AMN1: variants seen among roughly 807,000 people sequenced by gnomAD.
AMN1 encodes antagonist of mitotic exit network 1 homolog, also known as protein AMN1 homolog.
A neutral mutation model predicts 33.0 loss-of-function variants in AMN1; 20 were observed. That is an observed-to-expected ratio of 0.61 (90% CI 0.43 to 0.88). AMN1 has a LOEUF of 0.88. AMN1 is among the 40% of genes least tolerant of loss of function. AMN1 has a pLI of 0.00. For synonymous variants in AMN1, 114 were observed against 111.9 expected, an observed-to-expected ratio of 1.02 and a Z score of -0.12; for missense variants, 246 against 307.4, an observed-to-expected ratio of 0.80 and a Z score of 1.49.
rs567504750 is a variant in AMN1 at position 31,706,626 on chromosome 12, C to T, written c.171+2667G>A. Reference sequence around the variant, plus strand: ...ATTATCTACTCTGCTATTTAATAACCTTTAAAATCAGAGGCTGAAGGTTAA... The same window carrying T: ...ATTATCTACTCTGCTATTTAATAACTTTTAAAATCAGAGGCTGAAGGTTAA... On this transcript the variant is annotated intron_variant, in intron 2 of 6. Coordinates refer to ENST00000281471, the MANE Select transcript of AMN1 (RefSeq NM_001113402.2). Among the ~76,000 whole-genome samples the T allele has an allele frequency of 6.6e-5, 10 of 152,282 alleles. No homozygotes were observed. The East Asian group carries it at 1.9e-3, about 29-fold the overall frequency.
rs1939020843 is a variant in AMN1 at position 31,701,910 on chromosome 12, AATT to A, written c.266_268del (p.Lys89_Leu90delinsIle). ...GTTCCCTTTTGAAGCATTTAAATTTAATTTCTTCAGTTTTCTACAGTTAGACAG... is the reference window on the plus strand; with the variant it reads ...GTTCCCTTTTGAAGCATTTAAATTTATCTTCAGTTTTCTACAGTTAGACAG... On this transcript the variant is annotated inframe_deletion, in exon 3 of 7. Coordinates refer to ENST00000281471, the MANE Select transcript of AMN1 (RefSeq NM_001113402.2). 6.2e-7 allele frequency: 1 copy of A among 1,608,798 alleles called. No individual in the cohort carries two copies. The highest frequency in any genetic ancestry group is 8.5e-7 in the Non-Finnish European group (1 of 1,178,566).
chr12:31,692,460 A>C (rs914458978), intron 5 of AMN1, among the ~76,000 whole-genome samples: 1 of 151,568 alleles, frequency 6.6e-6, no homozygotes, highest in Non-Finnish European at 1.5e-5. Context: ...TCAAAAAAAA[A>C]AAACAAACGA....
chr12:31,674,083 C>G (rs1951336447), intron 6 of AMN1, among the ~76,000 whole-genome samples: 2 of 151,858 alleles, frequency 1.3e-5, no homozygotes, highest in Admixed American at 6.6e-5. Context: ...GAAACTACCA[C>G]ATTCCTTGCA....
intron 3 of AMN1, among the ~76,000 whole-genome samples, chr12:31,699,265 C>A (rs1938873623): frequency 1.3e-5 from 2 of 151,348 alleles, no homozygotes; most frequent in South Asian, 2.1e-4. Context: ...GTGTTACATG[C>A]CTGTAATCCC....
At chr12:31,697,296 T>C in intron 5 of AMN1, 65 bp downstream of exon 5, 1 of 1,448,396 alleles carries the variant, frequency 6.9e-7, no homozygotes, top group Non-Finnish European at 9.6e-7. Context: ...CGCTAGGTTT[T>C]AAACATAATT....
At chr12:31,728,940 C>T (rs1402370421) in intron 1 of AMN1, 31 bp downstream of exon 1, 13 of 1,537,478 alleles carry the variant, frequency 8.5e-6, no homozygotes, top group Non-Finnish European at 1.1e-5. Flanking sequence ...GCTGGGGCGG[C>T]GCGAAGGGAG....
intron 2 of AMN1, among the ~76,000 whole-genome samples, chr12:31,705,954 G>T (rs754815966): frequency 1.3e-5 from 2 of 152,036 alleles, no homozygotes; most frequent in Non-Finnish European, 2.9e-5. Flanking sequence ...CTGGCAGTTG[G>T]GTCCTCTCTT....
At chr12:31,711,256 C>T (rs1451174197) in intron 1 of AMN1, among the ~76,000 whole-genome samples, 1 of 152,056 alleles carries the variant, frequency 6.6e-6, no homozygotes, top group Non-Finnish European at 1.5e-5. Flanking sequence ...TCCCATTCCC[C>T]ACCCCTCTAG....
chr12:31,702,879 G>A (rs1939069250), intron 2 of AMN1, among the ~76,000 whole-genome samples: 2 of 152,154 alleles, frequency 1.3e-5, no homozygotes, highest in African/African-American at 4.8e-5. Flanking sequence ...TGGGATTACA[G>A]GCATGCACCA....
chr12:31,724,294 CTCTTGTGCTCTGGT>C (rs1939982068), intron 1 of AMN1, among the ~76,000 whole-genome samples: 1 of 152,174 alleles, frequency 6.6e-6, no homozygotes, highest in Non-Finnish European at 1.5e-5. Context: ...AGCATCAGTA[CTCTTGTGCTCTGGT>C]GCAATTGTTA....
chr12:31,703,003 C>T (rs538434539), intron 2 of AMN1, among the ~76,000 whole-genome samples: 22 of 152,328 alleles, frequency 1.4e-4, no homozygotes, highest in Middle Eastern at 3.4e-3. Flanking sequence ...TCCCAAAGTG[C>T]TGGGATTACA....
At chr12:31,722,536 C>T (rs995844299) in intron 1 of AMN1, among the ~76,000 whole-genome samples, 2 of 152,134 alleles carry the variant, frequency 1.3e-5, no homozygotes, top group African/African-American at 4.8e-5. Flanking sequence ...ACAAAAAAGG[C>T]ACCCTGAAAG....
chr12:31,673,334 C>T (rs1415600498), intron 6 of AMN1, among the ~76,000 whole-genome samples: 2 of 150,358 alleles, frequency 1.3e-5, no homozygotes, highest in Non-Finnish European at 3.0e-5. Flanking sequence ...AGCAAAAATA[C>T]CAAGGTTTAT....
intron 2 of AMN1, among the ~76,000 whole-genome samples, chr12:31,702,566 TA>T (rs201796600): frequency 3.5e-4 from 53 of 151,700 alleles, no homozygotes; most frequent in South Asian, 2.1e-4. Context: ...TTCTGTTCTT[TA>T]TTTTTTTTCC....
At chr12:31,682,728 G>A (rs970628004) in intron 6 of AMN1, among the ~76,000 whole-genome samples, 14 of 152,102 alleles carry the variant, frequency 9.2e-5, no homozygotes, top group African/African-American at 3.1e-4. Context: ...GTGATGATGG[G>A]CTTTTGAGCT....
chr12:31,700,463 T>G (rs1285251136), intron 3 of AMN1, among the ~76,000 whole-genome samples: 2 of 152,178 alleles, frequency 1.3e-5, no homozygotes, highest in Non-Finnish European at 2.9e-5. Flanking sequence ...CATGTAATAG[T>G]GACACTGAAC....
chr12:31,672,047 TTCATGCTAGGATTA>T lies in AMN1; in HGVS notation c.*243_*256del. On this transcript the variant is annotated 3_prime_UTR_variant, in exon 7 of 7. Transcript: ENST00000281471. ...CAGAATCCAACACCATAGATCAGAG[TTCATGCTAGGATTA>T]TCATTTCAAAAATAATGACTCATCC... The T allele has an allele frequency of 2.8e-6, 1 of 356,990 alleles. No homozygotes were observed. Among genetic ancestry groups the T allele is most frequent in the South Asian group, 5.2e-5 (1 of 19,404 alleles). The allele number at this position is 356,990 out of a possible 1,614,324, so 22.1% of individuals were successfully genotyped here.
chr12:31,710,373 A>C (rs1939418098), intron 1 of AMN1, among the ~76,000 whole-genome samples: 1 of 152,184 alleles, frequency 6.6e-6, no homozygotes, highest in Non-Finnish European at 1.5e-5. Flanking sequence ...CATATATACA[A>C]AATTTTACAT....
chr12:31,725,621 C>T (rs1399703644), intron 1 of AMN1, among the ~76,000 whole-genome samples: 1 of 152,156 alleles, frequency 6.6e-6, no homozygotes, highest in African/African-American at 2.4e-5. Context: ...TTAACCATGG[C>T]TTCCTATCAT....
Sources: allele counts gnomAD v4.1 joint callset (sites outside exome capture counted in the v4.1 genomes callset), GRCh38; gene constraint gnomAD v4.1.1; transcripts MANE v1.5; gene names NCBI Gene and HGNC (gene_info 2026-07-23, HGNC 2026-07-21).